Variants in SIGLEC5 observed in about 807,000 individuals in gnomAD.
The protein encoded by SIGLEC5 is sialic acid-binding Ig-like lectin 5.
In SIGLEC5, 34 loss-of-function variants were observed where a neutral mutation model predicts 45.9. The ratio of observed to expected loss-of-function variants is 0.74; its 90% CI spans 0.56 to 0.99. SIGLEC5 has a LOEUF of 0.99. Ranked by LOEUF, SIGLEC5 falls within the 50% of genes least tolerant of loss-of-function variation. SIGLEC5 has a pLI of 0.00. For missense variants in SIGLEC5, 508 were observed against 629.6 expected (o/e 0.81, Z 2.07); for synonymous variants, 203 against 258.6 (o/e 0.79, Z 2.06).
At position 51,627,249 on chromosome 19, in the gene SIGLEC5, C is replaced by T. The variant is rs776017036; in HGVS notation, c.1283-1G>A. On this transcript the variant is annotated splice_acceptor_variant, in intron 6 of 8. Coordinates refer to ENST00000683636, the MANE Select transcript of SIGLEC5 (RefSeq NM_003830.4). LOFTEE classifies it high-confidence loss of function. ...ACTCCTGTCCCGAGGTTCGATCTCC[C>T]TGCAGAAAAGAGGGGCGTGCAATAA... The T allele has an allele frequency of 6.2e-7, 1 of 1,613,714 alleles. No individual in the cohort carries two copies. The highest frequency in any genetic ancestry group is 1.3e-5 in the African/African-American group (1 of 74,890).
Position 51,627,670 on chromosome 19 carries a change from C to A in SIGLEC5, c.1074G>T (p.Arg358=), listed in dbSNP as rs762562024. The A allele has an allele frequency of 2.5e-5, 41 of 1,610,454 alleles. No homozygotes were observed. Among genetic ancestry groups the A allele is most frequent in the Non-Finnish European group, 3.5e-5 (41 of 1,178,918 alleles). The change falls in exon 6 of 9, where the codon CGG becomes CGT. Residue 358 remains arginine (R), a synonymous_variant. Transcript: ENST00000683636. The part of the protein sequence containing the change: ...GLHCRCSFRA[R]PAPSLCWRLE... The stretch of plus-strand genomic sequence containing the variant: ...GCCGCCAGCACAGGGAGGGGGCCGG[C>A]CGGGCTCGAAAGGAGCATCTGCAGT...
intron 8 of SIGLEC5, chr19:51,621,716 C>G (rs1053003120): frequency 6.6e-6 from 1 of 152,036 alleles, no homozygotes; most frequent in Non-Finnish European, 1.5e-5. Flanking sequence ...TAAGAATTCT[C>G]CAGCTACCAA....
rs1982875854 is a variant in SIGLEC5, at chr19:51,612,199, C to T, written c.*32G>A. ...CCTTTCCCCCAGACAGGCTGTGGCT[C>T]CTCCAGCCAGGACTGAACTCTGGGC... is the stretch of plus-strand genomic sequence containing the variant. On this transcript the variant is annotated 3_prime_UTR_variant, in exon 9 of 9. Transcript: ENST00000683636. 6.5e-7 allele frequency: 1 copy of T among 1,531,762 alleles called. No homozygotes were observed. The highest frequency in any genetic ancestry group is 8.8e-7 in the Non-Finnish European group (1 of 1,134,420). The allele number at this position is 1,531,762 out of a possible 1,614,324, so 94.9% of individuals were successfully genotyped here.
chr19:51,622,861 A>C (rs901702111), intron 8 of SIGLEC5, among the ~76,000 whole-genome samples: 1 of 152,226 alleles, frequency 6.6e-6, no homozygotes, highest in African/African-American at 2.4e-5. Context: ...ATGTGAGAAC[A>C]TGCAATGTTT....
intron 8 of SIGLEC5, chr19:51,621,053 T>C (rs1185380553): frequency 6.6e-6 from 1 of 152,220 alleles, no homozygotes. Context: ...TACTAGTTAT[T>C]TGAACTAATA....
chr19:51,618,444 A>AAAAAAAAAAAAAG, intron 8 of SIGLEC5, among the ~76,000 whole-genome samples: 1 of 36,872 alleles, frequency 2.7e-5, no homozygotes, highest in Non-Finnish European at 6.2e-5. Context: ...GACCCTGCCT[A>AAAAAAAAAAAAAG]AAAAAAAAAA....
In SIGLEC5 at chr19:51,626,090, G is replaced by A; in HGVS notation, c.1406C>T (p.Ala469Val). The A allele has an allele frequency of 6.2e-7, 1 of 1,613,866 alleles. No individual in the cohort carries two copies. Residue 469 changes from alanine (A) to valine (V), a missense_variant, in exon 8 of 9, where the codon GCA (alanine) becomes GTA (valine). Coordinates refer to ENST00000683636, the MANE Select transcript of SIGLEC5 (RefSeq NM_003830.4). ...ATCCATTTTCTCTGGTCTCCCAGCT[G>A]CTTGCTTCCTGCGGGCTTTCACTCT... ...FLIVKARRKQ[A>V]AGRPEKMDDE... is the part of the protein sequence containing the mutation.
At chr19:51,614,706 G>A (rs1982988659) in intron 8 of SIGLEC5, among the ~76,000 whole-genome samples, 3 of 152,188 alleles carry the variant, frequency 2.0e-5, no homozygotes, top group Non-Finnish European at 4.4e-5. Context: ...AATGCAGTAT[G>A]TTCACCCTTT....
intron 7 of SIGLEC5, 122 bp from the exon 8 acceptor site, chr19:51,626,235 C>T (rs529252864): frequency 2.3e-4 from 172 of 733,256 alleles, no homozygotes; most frequent in Non-Finnish European, 3.8e-4. Context: ...GAACTAAACT[C>T]GGAGACCTTC....
chr19:51,618,349 C>T (rs2122620322), intron 8 of SIGLEC5, among the ~76,000 whole-genome samples: 1 of 144,768 alleles, frequency 6.9e-6, no homozygotes, highest in South Asian at 2.2e-4. Flanking sequence ...GAAAAAGTAT[C>T]AGGCATCTAA....
intron 7 of SIGLEC5, 25 bp downstream of exon 7, chr19:51,627,124 T>A: frequency 6.3e-7 from 1 of 1,585,386 alleles, no homozygotes; most frequent in Non-Finnish European, 8.7e-7. Flanking sequence ...CACCACCCTG[T>A]ACCTTCCCTG....
chr19:51,618,443 T>TAAAAAAAAAAAAAAAAAAAAAAA (rs1228951315), intron 8 of SIGLEC5, among the ~76,000 whole-genome samples: 1 of 49,438 alleles, frequency 2.0e-5, no homozygotes, highest in Non-Finnish European at 3.4e-5. Context: ...AGACCCTGCC[T>TAAAAAAAAAAAAAAAAAAAAAAA]AAAAAAAAAA....
Position 51,627,454 on chromosome 19 carries a change from C to T in SIGLEC5, c.1282+8G>A, listed in dbSNP as rs368920325. 1.2e-6 allele frequency: 2 copies of T among 1,609,006 alleles called. No homozygotes were observed. Among genetic ancestry groups the T allele is most frequent in the African/African-American group, 2.7e-5 (2 of 74,864 alleles). On this transcript the variant is annotated splice_region_variant and intron_variant, in intron 6 of 8. Transcript: ENST00000683636. ...CAGGCCCCTGCCCTCTGCAATACGC[C>T]CCCTGACCTTGCAGCAGCAGGACAG...
At chr19:51,623,901 T>A (rs1983383618) in intron 8 of SIGLEC5, among the ~76,000 whole-genome samples, 1 of 152,072 alleles carries the variant, frequency 6.6e-6, no homozygotes, top group Non-Finnish European at 1.5e-5. Flanking sequence ...AAATATAATA[T>A]TATAAGCCGT....
At chr19:51,623,952 G>A (rs1983385223) in intron 8 of SIGLEC5, among the ~76,000 whole-genome samples, 1 of 152,016 alleles carries the variant, frequency 6.6e-6, no homozygotes, top group Non-Finnish European at 1.5e-5. Flanking sequence ...CAAGGTGGGT[G>A]GATCAAGACC....
At position 51,626,023 on chromosome 19, in the gene SIGLEC5, A is replaced by T; in HGVS notation, c.1464+9T>A. On this transcript the variant is annotated intron_variant, in intron 8 of 8. Coordinates refer to ENST00000683636, the MANE Select transcript of SIGLEC5 (RefSeq NM_003830.4). ...GACATGCACATGAGAAGATCCCCAA[A>T]CCACTCACCGAGGTGATGGTACCCA... is the stretch of plus-strand genomic sequence containing the variant. 6.2e-7 allele frequency: 1 copy of T among 1,611,976 alleles called. No homozygotes were observed. The highest frequency in any genetic ancestry group is 8.5e-7 in the Non-Finnish European group (1 of 1,178,324).
Position 51,625,256 on chromosome 19 carries a change from C to G in SIGLEC5, c.1464+776G>C, listed in dbSNP as rs77375890. Among the ~76,000 whole-genome samples the G allele has an allele frequency of 1.6e-3, 238 of 152,278 alleles. 2 individuals carry two copies. Among genetic ancestry groups the G allele is most frequent in the African/African-American group, 5.5e-3 (230 of 41,546 alleles). ...GGTCCGTATGGAGACAGAAGGCCAG[C>G]GTGGCCAGGCCACGGGGCAGGATCA... On this transcript the variant is annotated intron_variant, in intron 8 of 8. Transcript: ENST00000683636.
intron 8 of SIGLEC5, 30 bp downstream of exon 8, chr19:51,626,002 T>G (rs928762010): frequency 6.3e-7 from 1 of 1,583,856 alleles, no homozygotes; most frequent in Non-Finnish European, 8.7e-7. Flanking sequence ...CGAGTGGACA[T>G]GCACATGAGA....
At position 51,626,123 on chromosome 19, in the gene SIGLEC5, G is replaced by A; in HGVS notation, c.1383-10C>T. Reference sequence around the variant, plus strand: ...CCTGCGGGCTTTCACTCTAAGGAAAGAAACCAGCACAGTGCAGCTGGGACC... The same window carrying A: ...CCTGCGGGCTTTCACTCTAAGGAAAAAAACCAGCACAGTGCAGCTGGGACC... On this transcript the variant is annotated splice_polypyrimidine_tract_variant and intron_variant, in intron 7 of 8. Coordinates refer to ENST00000683636, the MANE Select transcript of SIGLEC5 (RefSeq NM_003830.4). 6.2e-7 allele frequency: 1 copy of A among 1,612,782 alleles called. No homozygotes were observed. Among genetic ancestry groups the A allele is most frequent in the Non-Finnish European group, 8.5e-7 (1 of 1,179,552 alleles).
Sources: allele counts gnomAD v4.1 joint callset (sites outside exome capture counted in the v4.1 genomes callset), GRCh38; gene constraint gnomAD v4.1.1; transcripts MANE v1.5; gene names NCBI Gene and HGNC (gene_info 2026-07-23, HGNC 2026-07-21).